Variants in DTNB observed in about 807,000 individuals in gnomAD.
DTNB encodes the protein dystrobrevin beta.
Under a neutral mutation model 90.7 loss-of-function variants are expected in DTNB, and 63 were observed. The ratio of observed to expected loss-of-function variants is 0.69; its 90% CI spans 0.57 to 0.86. The LOEUF is 0.86. DTNB is among the 40% of genes least tolerant of loss of function. The probability of loss-of-function intolerance (pLI) is 0.00; values close to 1 mark genes in which losing one functional copy is unlikely to be tolerated. For synonymous variants in DTNB, 277 were observed against 286.7 expected, an observed-to-expected ratio of 0.97 and a Z score of 0.34; for missense variants, 744 against 807.1, an observed-to-expected ratio of 0.92 and a Z score of 0.95.
chr2:25,382,775 C>T (rs889859996), intron 19 of DTNB, among the ~76,000 whole-genome samples: 2 of 152,160 alleles, frequency 1.3e-5, no homozygotes, highest in African/African-American at 4.8e-5. Context: ...GTGATCCGCC[C>T]GCCTCGGCCT....
intron 10 of DTNB, among the ~76,000 whole-genome samples, chr2:25,478,400 G>A (rs776516618): frequency 2.6e-5 from 4 of 152,200 alleles, no homozygotes; most frequent in Non-Finnish European, 5.9e-5. Flanking sequence ...AATTCTGGAC[G>A]TGGAAATGTG....
intron 9 of DTNB, among the ~76,000 whole-genome samples, chr2:25,494,859 G>C (rs1030772506): frequency 2.0e-5 from 3 of 151,484 alleles, no homozygotes; most frequent in Non-Finnish European, 4.4e-5. Context: ...GAACATCACA[G>C]TTAGCGCTAG....
At chr2:25,495,756 A>G (rs1371667725) in intron 9 of DTNB, among the ~76,000 whole-genome samples, 1 of 152,234 alleles carries the variant, frequency 6.6e-6, no homozygotes, top group African/African-American at 2.4e-5. Context: ...ACCTTTTGGA[A>G]AACCATGATG....
intron 9 of DTNB, among the ~76,000 whole-genome samples, chr2:25,511,011 T>C (rs942196926): frequency 2.6e-5 from 4 of 152,204 alleles, no homozygotes; most frequent in Non-Finnish European, 5.9e-5. Context: ...TCTTTGTAAT[T>C]ATAAATTATA....
chr2:25,527,477 T>C (rs1168953438), intron 9 of DTNB, among the ~76,000 whole-genome samples: 1 of 151,344 alleles, frequency 6.6e-6, no homozygotes, highest in Non-Finnish European at 1.5e-5. Flanking sequence ...GAGCTGAGAT[T>C]GCCACTGCAC....
chr2:25,470,908 T>C (rs2062676289), intron 10 of DTNB, among the ~76,000 whole-genome samples: 1 of 152,016 alleles, frequency 6.6e-6, no homozygotes, highest in Non-Finnish European at 1.5e-5. Context: ...AAATACACAA[T>C]GTCAAGGCAC....
chr2:25,413,997 T>C lies in DTNB; in HGVS notation c.1575+5518A>G, dbSNP rs547773044. On this transcript the variant is annotated intron_variant, in intron 16 of 20. Coordinates refer to ENST00000406818, the MANE Select transcript of DTNB (RefSeq NM_021907.5). Reference sequence around the variant, plus strand: ...CTAACTGGTGTGAGATGGTATCTCATTGTGGTTTTGATTTGCATTTCTCTG... The same window carrying C: ...CTAACTGGTGTGAGATGGTATCTCACTGTGGTTTTGATTTGCATTTCTCTG... Among the ~76,000 whole-genome samples the C allele has an allele frequency of 5.4e-3, 815 of 149,736 alleles. 6 individuals carry two copies. Among genetic ancestry groups the C allele is most frequent in the African/African-American group, 0.02 (783 of 39,096 alleles).
chr2:25,592,584 A>G (rs1383207790), intron 6 of DTNB, among the ~76,000 whole-genome samples: 1 of 152,184 alleles, frequency 6.6e-6, no homozygotes, highest in East Asian at 1.9e-4. Context: ...CAAAAAAAAA[A>G]ATGTGTTTTA....
chr2:25,439,571 T>C (rs1387741194), intron 12 of DTNB, among the ~76,000 whole-genome samples: 1 of 152,148 alleles, frequency 6.6e-6, no homozygotes, highest in Non-Finnish European at 1.5e-5. Context: ...AATTTTTCTG[T>C]AAATCTAAAA....
intron 16 of DTNB, among the ~76,000 whole-genome samples, chr2:25,414,355 C>T (rs943639073): frequency 6.6e-6 from 1 of 152,162 alleles, no homozygotes; most frequent in Admixed American, 6.5e-5. Flanking sequence ...CTCCTGGGTT[C>T]ACGCCATTCT....
intron 9 of DTNB, 116 bp from the exon 10 acceptor site, chr2:25,482,989 CGGACCCATGGGGAGGGGGG>C (rs1463905596): frequency 9.9e-7 from 1 of 1,013,322 alleles, no homozygotes; most frequent in Non-Finnish European, 1.3e-6. Flanking sequence ...TAAGCACAGA[CGGACCCATGGGGAGGGGGG>C]GGACCCATGG....
rs534309117 is a variant in DTNB, at chr2:25,518,310, C to A, written c.1001+13163G>T. ...AGCTTTATAGTAGGATAATGGCAAA[C>A]AGGGTGAGAAAATCTCAAGGGCAGA... On this transcript the variant is annotated intron_variant, in intron 9 of 20. Coordinates refer to ENST00000406818, the MANE Select transcript of DTNB (RefSeq NM_021907.5). Among the ~76,000 whole-genome samples the A allele has an allele frequency of 3.3e-5, 5 of 152,162 alleles. No homozygotes were observed. In the East Asian group the frequency reaches 9.6e-4, roughly 29 times the overall value.
chr2:25,435,592 A>G (rs2055467886), intron 12 of DTNB, among the ~76,000 whole-genome samples: 1 of 152,248 alleles, frequency 6.6e-6, no homozygotes, highest in South Asian at 2.1e-4. Flanking sequence ...TTACAGCTGA[A>G]TAATATTCCA....
At chr2:25,419,411 C>A in intron 16 of DTNB, 104 bp downstream of exon 16, 1 of 1,530,626 alleles carries the variant, frequency 6.5e-7, no homozygotes, top group Non-Finnish European at 8.9e-7. Context: ...ATAAAACCCT[C>A]TTCAGAGATG....
At chr2:25,673,174 T>C (rs1317522233) in intron 1 of DTNB, among the ~76,000 whole-genome samples, 3 of 151,146 alleles carry the variant, frequency 2.0e-5, no homozygotes, top group African/African-American at 7.3e-5. Flanking sequence ...TGCCTGTCCC[T>C]CCGGGGCTAG....
chr2:25,601,986 G>C (rs1258762529), intron 5 of DTNB, among the ~76,000 whole-genome samples: 1 of 152,060 alleles, frequency 6.6e-6, no homozygotes, highest in African/African-American at 2.4e-5. Context: ...GTCAGGCATG[G>C]TGGCACACGC....
intron 6 of DTNB, among the ~76,000 whole-genome samples, chr2:25,586,489 G>A (rs951693442): frequency 2.8e-5 from 4 of 140,986 alleles, no homozygotes; most frequent in African/African-American, 8.0e-5. Context: ...CAGCCTGGGC[G>A]ACAGAGCATG....
intron 12 of DTNB, among the ~76,000 whole-genome samples, chr2:25,447,997 C>A: frequency 6.6e-6 from 1 of 152,112 alleles, no homozygotes; most frequent in South Asian, 2.1e-4. Flanking sequence ...AGCTCTTGGC[C>A]TGCTTTGGTT....
chr2:25,452,016 A>G (rs930837922), intron 11 of DTNB, among the ~76,000 whole-genome samples: 1 of 152,270 alleles, frequency 6.6e-6, no homozygotes, highest in African/African-American at 2.4e-5. Context: ...CTAAAGCATC[A>G]TGAAAAACAG....
Sources: gnomAD v4.1 joint callset for allele counts (sites outside exome capture counted in the v4.1 genomes callset) on GRCh38, gnomAD v4.1.1 for gene constraint, MANE v1.5 for transcripts, NCBI Gene and HGNC (gene_info 2026-07-23, HGNC 2026-07-21) for gene names.